Variants in CCDC138 observed in about 807,000 individuals in gnomAD.
CCDC138 encodes the protein coiled-coil domain-containing protein 138.
CCDC138 carries 66 observed loss-of-function variants against 82.3 expected under a neutral mutation model. That is an observed-to-expected ratio of 0.80 (90% CI 0.66 to 0.98). The LOEUF is 0.98. Among genes scored for constraint, CCDC138 ranks in the 50% least tolerant of loss-of-function variants. The pLI, the probability that CCDC138 is intolerant of heterozygous loss-of-function variation, is 0.00. For missense variants in CCDC138, 816 were observed against 758.9 expected (o/e 1.08, Z -0.88); for synonymous variants, 297 against 265.4 (o/e 1.12, Z -1.16).
chr2:108,842,491 T>C (rs1231890965), intron 11 of CCDC138, among the ~76,000 whole-genome samples: 1 of 152,156 alleles, frequency 6.6e-6, no homozygotes, highest in African/African-American at 2.4e-5. Flanking sequence ...TCCAGGATGT[T>C]ACCCATACAG....
chr2:108,822,581 CAA>C (rs1685897976), intron 10 of CCDC138, among the ~76,000 whole-genome samples: 1 of 152,120 alleles, frequency 6.6e-6, no homozygotes, highest in African/African-American at 2.4e-5. Flanking sequence ...AATAAATTTT[CAA>C]AGATTGACAT....
chr2:108,790,198 A>G (rs763918798), intron 3 of CCDC138, among the ~76,000 whole-genome samples: 7 of 152,206 alleles, frequency 4.6e-5, no homozygotes, highest in Non-Finnish European at 8.8e-5. Context: ...TAGTTGATCT[A>G]GATTTAGGAT....
At chr2:108,813,966 T>C (rs954843323) in intron 9 of CCDC138, among the ~76,000 whole-genome samples, 4 of 152,222 alleles carry the variant, frequency 2.6e-5, no homozygotes, top group African/African-American at 9.6e-5. Context: ...TATGACTGTA[T>C]CAGAGTTTGT....
chr2:108,856,408 A>G (rs1392695993), intron 12 of CCDC138, among the ~76,000 whole-genome samples: 1 of 152,242 alleles, frequency 6.6e-6, no homozygotes, highest in Non-Finnish European at 1.5e-5. Flanking sequence ...AAGCAGCAAC[A>G]AAACATAATC....
intron 5 of CCDC138, among the ~76,000 whole-genome samples, chr2:108,796,816 T>C (rs1168045312): frequency 6.6e-6 from 1 of 152,070 alleles, no homozygotes; most frequent in African/African-American, 2.4e-5. Flanking sequence ...TACCAGAGGC[T>C]GGGAGGGGAA....
intron 13 of CCDC138, among the ~76,000 whole-genome samples, chr2:108,859,640 A>G (rs532564483): frequency 1.3e-5 from 2 of 152,118 alleles, no homozygotes; most frequent in South Asian, 2.1e-4. Flanking sequence ...CAGTTTCTCT[A>G]TTCTGTTCCA....
chr2:108,844,146 C>T (rs1690048308), intron 11 of CCDC138, among the ~76,000 whole-genome samples: 1 of 151,918 alleles, frequency 6.6e-6, no homozygotes, highest in South Asian at 2.1e-4. Context: ...CAACCGTGAG[C>T]CACCGCCCCC....
chr2:108,807,505 A>T (rs531350780), intron 7 of CCDC138, among the ~76,000 whole-genome samples: 1 of 152,308 alleles, frequency 6.6e-6, no homozygotes, highest in African/African-American at 2.4e-5. Flanking sequence ...TTGTATTGGA[A>T]ATATTCAAAA....
intron 7 of CCDC138, among the ~76,000 whole-genome samples, chr2:108,805,591 A>G (rs969936351): frequency 4.6e-5 from 7 of 151,756 alleles, no homozygotes; most frequent in African/African-American, 7.3e-5. Context: ...GCTGGGCGTG[A>G]TGGCGGGCGC....
chr2:108,798,352 A>G, intron 5 of CCDC138, 76 bp from the exon 6 acceptor site: 1 of 1,510,638 alleles, frequency 6.6e-7, no homozygotes. Context: ...GTTAAACCAC[A>G]GTGTCAGCCA....
At chr2:108,813,152 G>A (rs1307773005) in intron 9 of CCDC138, among the ~76,000 whole-genome samples, 1 of 145,334 alleles carries the variant, frequency 6.9e-6, no homozygotes, top group East Asian at 2.1e-4. Flanking sequence ...GAGAGGCTGA[G>A]GCAGGAGAAT....
chr2:108,852,430 A>G (rs537425302), intron 12 of CCDC138, among the ~76,000 whole-genome samples: 1 of 152,208 alleles, frequency 6.6e-6, no homozygotes, highest in African/African-American at 2.4e-5. Flanking sequence ...AAATTGTTCT[A>G]TTATAAGGAC....
chr2:108,793,327 C>A (rs558928635), intron 4 of CCDC138, among the ~76,000 whole-genome samples: 8 of 151,906 alleles, frequency 5.3e-5, no homozygotes, highest in Admixed American at 3.9e-4. Flanking sequence ...AGTGAGACTC[C>A]GTCTCAAAAA....
At chr2:108,849,771 GT>G (rs1163962671) in intron 12 of CCDC138, among the ~76,000 whole-genome samples, 7 of 152,224 alleles carry the variant, frequency 4.6e-5, no homozygotes, top group African/African-American at 1.7e-4. Context: ...AGGCACAAGG[GT>G]TTCTTATGAG....
chr2:108,874,918 T>C (rs906015898), intron 14 of CCDC138, among the ~76,000 whole-genome samples: 12 of 81,362 alleles, frequency 1.5e-4, no homozygotes, highest in African/African-American at 3.5e-4. Context: ...TCTTAATTCA[T>C]GGGATTTTTT....
At chr2:108,809,569 A>G (rs956351905) in intron 7 of CCDC138, among the ~76,000 whole-genome samples, 3 of 151,042 alleles carry the variant, frequency 2.0e-5, no homozygotes, top group Admixed American at 6.6e-5. Flanking sequence ...ATTCCCAGCT[A>G]TTTTATTTTA....
intron 6 of CCDC138, among the ~76,000 whole-genome samples, chr2:108,800,605 T>C (rs1221168839): frequency 7.2e-6 from 1 of 138,886 alleles, no homozygotes; most frequent in Non-Finnish European, 1.5e-5. Flanking sequence ...CATCTCAGTT[T>C]AGCTTTTTTT....
chr2:108,816,528 AGGTGATGCAG>A (rs1684840452), intron 10 of CCDC138, among the ~76,000 whole-genome samples: 1 of 113,160 alleles, frequency 8.8e-6, no homozygotes, highest in African/African-American at 3.3e-5. Flanking sequence ...CAGAGTCCAG[AGGTGATGCAG>A]GGTATCACAT....
intron 11 of CCDC138, among the ~76,000 whole-genome samples, chr2:108,842,327 A>G (rs1053838197): frequency 2.0e-5 from 3 of 151,912 alleles, no homozygotes; most frequent in African/African-American, 7.3e-5. Flanking sequence ...ACGTGAGCCA[A>G]CCCATCTGGC....
Sources: gnomAD v4.1 joint callset for allele counts (sites outside exome capture counted in the v4.1 genomes callset) on GRCh38, gnomAD v4.1.1 for gene constraint, MANE v1.5 for transcripts, NCBI Gene and HGNC (gene_info 2026-07-23, HGNC 2026-07-21) for gene names.